CFAP92: variants seen among roughly 807,000 people sequenced by gnomAD.
The protein encoded by CFAP92 is cilia and flagella associated protein 92 (putative).
A neutral mutation model predicts 106.3 loss-of-function variants in CFAP92; 86 were observed. The ratio of observed to expected loss-of-function variants is 0.81; its 90% CI spans 0.68 to 0.97. The LOEUF (loss-of-function observed/expected upper bound fraction) is 0.97. Among genes scored for constraint, CFAP92 ranks in the 50% least tolerant of loss-of-function variants. The pLI is 0.00. For synonymous variants in CFAP92, 477 were observed against 506.4 expected (o/e 0.94, Z 0.78); for missense variants, 1,204 against 1,283.8 (o/e 0.94, Z 0.95).
intron 12 of CFAP92, among the ~76,000 whole-genome samples, chr3:128,928,719 C>T (rs911755396): frequency 1.6e-4 from 24 of 151,990 alleles, no homozygotes; most frequent in Non-Finnish European, 2.4e-4. Flanking sequence ...AAATGATCTT[C>T]GTAACTTTAA....
chr3:129,009,861 C>CG, the CFAP92 span, among the ~76,000 whole-genome samples: 1 of 152,154 alleles, frequency 6.6e-6, no homozygotes, highest in Non-Finnish European at 1.5e-5. Context: ...GGAGTGGTTT[C>CG]GGGGGGACTC....
At chr3:128,912,690 G>A in intron 15 of CFAP92, 10 of 1,256,484 alleles carry the variant, frequency 8.0e-6, no homozygotes, top group Non-Finnish European at 1.2e-5. Flanking sequence ...TTCAGAAGGT[G>A]TTGGGATTAT....
At chr3:129,023,751 T>C in the CFAP92 span, among the ~76,000 whole-genome samples, 1 of 152,230 alleles carries the variant, frequency 6.6e-6, no homozygotes, top group African/African-American at 2.4e-5. Flanking sequence ...AAAGGACAAA[T>C]GACCAAAAAT....
chr3:128,991,934 G>C, intron 2 of CFAP92: 2 of 966,432 alleles, frequency 2.1e-6, no homozygotes, highest in Non-Finnish European at 2.5e-6. Flanking sequence ...CATGTGACTT[G>C]GTTTGGCCAA....
the CFAP92 span, among the ~76,000 whole-genome samples, chr3:129,023,336 G>A: frequency 1.3e-4 from 18 of 143,756 alleles, no homozygotes; most frequent in Non-Finnish European, 2.3e-4. Context: ...TTGAGACAGA[G>A]TCTTGAGTCT....
chr3:128,910,952 AG>A, intron 15 of CFAP92: 1 of 1,048,404 alleles, frequency 9.5e-7, no homozygotes, highest in Non-Finnish European at 1.5e-6. Context: ...GGGCCTGGGT[AG>A]GCCTGGGCTT....
In CFAP92 at chr3:128,915,286, G is replaced by C; in HGVS notation, c.3124-11C>G. ...GTTTTCCTTCCACTCCTAAATTGGG[G>C]GAGTAAGTAAATCAGGAGGAGAAAG... On this transcript the variant is annotated splice_polypyrimidine_tract_variant and intron_variant, in intron 14 of 15. Transcript: ENST00000645291. 1.3e-6 allele frequency: 2 copies of C among 1,536,082 alleles called. No homozygotes were observed. Among genetic ancestry groups the C allele is most frequent in the Non-Finnish European group, 1.7e-6 (2 of 1,146,858 alleles).
intron 4 of CFAP92, among the ~76,000 whole-genome samples, chr3:128,983,930 G>A (rs988187169): frequency 1.4e-4 from 21 of 152,252 alleles, no homozygotes; most frequent in Non-Finnish European, 2.2e-4. Flanking sequence ...CAGGGCCGAA[G>A]GGGAGACAGA....
intron 9 of CFAP92, among the ~76,000 whole-genome samples, chr3:128,947,159 G>A (rs901172326): frequency 1.3e-5 from 2 of 151,886 alleles, no homozygotes; most frequent in African/African-American, 4.8e-5. Context: ...CCAGTGGCTC[G>A]GCAGAAGTCT....
chr3:129,002,074 T>C, intron 1 of CFAP92: 1 of 1,533,438 alleles, frequency 6.5e-7, no homozygotes, highest in Non-Finnish European at 8.8e-7. Flanking sequence ...CACGCGCGCC[T>C]CTGTGGCTAC....
At chr3:128,926,219 C>G (rs191741573) in intron 12 of CFAP92, among the ~76,000 whole-genome samples, 2 of 147,632 alleles carry the variant, frequency 1.4e-5, no homozygotes, top group Admixed American at 1.3e-4. Flanking sequence ...ACATTAAAGC[C>G]TGAATGTGGC....
intron 4 of CFAP92, among the ~76,000 whole-genome samples, chr3:128,985,323 G>A (rs1943784646): frequency 6.6e-6 from 1 of 152,134 alleles, no homozygotes; most frequent in South Asian, 2.1e-4. Flanking sequence ...AAGTAGCCAT[G>A]TGTGGTGGCA....
At chr3:128,914,068 C>T (rs1170334567) in intron 15 of CFAP92, among the ~76,000 whole-genome samples, 2 of 152,200 alleles carry the variant, frequency 1.3e-5, no homozygotes, top group Non-Finnish European at 2.9e-5. Context: ...TCCCTCTCAT[C>T]TGTAGTTGCT....
chr3:128,968,433 T>C lies in CFAP92; in HGVS notation c.1169-2738A>G, dbSNP rs574097006. ...GCTGGGCTTACAGTAAATAATCTTATGCTATTAGTTTCTGGCAAAACCAGA... is the reference window on the plus strand; with the variant it reads ...GCTGGGCTTACAGTAAATAATCTTACGCTATTAGTTTCTGGCAAAACCAGA... On this transcript the variant is annotated intron_variant, in intron 8 of 15. Transcript: ENST00000645291. 6 of 152,356 alleles carry C rather than the reference T, an allele frequency of 3.9e-5. No individual in the cohort carries two copies. The East Asian group carries it at 9.6e-4, about 24-fold the overall frequency. The allele number at this position is 152,356 out of a possible 1,614,324, so 9.4% of individuals were successfully genotyped here.
chr3:128,910,758 C>A lies in CFAP92; in HGVS notation c.3281-425G>T, dbSNP rs749152088. 4 of 1,614,088 alleles carry A rather than the reference C, an allele frequency of 2.5e-6. No homozygotes were observed. Among genetic ancestry groups the A allele is most frequent in the Non-Finnish European group, 3.4e-6 (4 of 1,180,048 alleles). ...TCTGGCAGGTTCTCTTGGCCAACAC[C>A]TTCTGCGTGGAAGCTTACTTGCAGA... is the stretch of plus-strand genomic sequence containing the variant. On this transcript the variant is annotated intron_variant, in intron 15 of 15. Transcript: ENST00000645291.
chr3:129,002,340 G>A lies in CFAP92; in HGVS notation n.117+234C>T, dbSNP rs139921016. On this transcript the variant is annotated intron_variant and non_coding_transcript_variant, in intron 1 of 4. Coordinates refer to the CFAP92 transcript ENST00000510149. The stretch of plus-strand genomic sequence containing the variant: ...AGCACTGCAGGTGCGCGCCGGCCAC[G>A]AAGGGAGGGTGGTAACGCCCGGGAG... 184 of 1,512,518 alleles carry A rather than the reference G, an allele frequency of 1.2e-4. 1 individual carries two copies. The African/African-American group carries it at 2.2e-3, about 18-fold the overall frequency. The allele number at this position is 1,512,518 out of a possible 1,614,324, so 93.7% of individuals were successfully genotyped here.
chr3:129,016,058 C>A, the CFAP92 span, among the ~76,000 whole-genome samples: 2 of 152,322 alleles, frequency 1.3e-5, no homozygotes, highest in East Asian at 1.9e-4. Flanking sequence ...GAGAAAAAGA[C>A]AGCAGTGACA....
chr3:128,977,821 T>G (rs559882491), intron 5 of CFAP92, among the ~76,000 whole-genome samples: 81 of 152,334 alleles, frequency 5.3e-4, no homozygotes, highest in African/African-American at 1.9e-3. Flanking sequence ...ATCGTGCCAT[T>G]GCATTCCAGC....
chr3:128,958,844 T>C (rs1941647181), intron 9 of CFAP92, among the ~76,000 whole-genome samples: 1 of 151,934 alleles, frequency 6.6e-6, no homozygotes. Context: ...GAGGCTGCAG[T>C]AAGTTATGAT....
Sources: gnomAD v4.1 joint callset for allele counts (sites outside exome capture counted in the v4.1 genomes callset) on GRCh38, gnomAD v4.1.1 for gene constraint, MANE v1.5 for transcripts, NCBI Gene and HGNC (gene_info 2026-07-23, HGNC 2026-07-21) for gene names.